TRAPPC13: variants seen among roughly 807,000 people sequenced by gnomAD.
TRAPPC13 encodes the protein REV7-interacting novel NHEJ regulator 1.
TRAPPC13 carries 39 observed loss-of-function variants against 54.0 expected under a neutral mutation model. The observed-to-expected ratio is 0.72, with a 90% CI of 0.56 to 0.94. The LOEUF (loss-of-function observed/expected upper bound fraction) is 0.94. TRAPPC13 is among the 40% of genes least tolerant of loss of function. TRAPPC13 has a pLI of 0.00. For missense variants in TRAPPC13, 386 were observed against 488.1 expected, an observed-to-expected ratio of 0.79 and a Z score of 1.97; for synonymous variants, 148 against 167.7, an observed-to-expected ratio of 0.88 and a Z score of 0.91.
chr5:65,633,958 T>G (rs1755643509), intron 1 of TRAPPC13, among the ~76,000 whole-genome samples: 1 of 151,188 alleles, frequency 6.6e-6, no homozygotes, highest in South Asian at 2.1e-4. Context: ...AGGTTGTTTT[T>G]TAAAATATCT....
At chr5:65,645,433 A>G (rs1236619351) in intron 4 of TRAPPC13, among the ~76,000 whole-genome samples, 2 of 152,192 alleles carry the variant, frequency 1.3e-5, no homozygotes, top group Non-Finnish European at 2.9e-5. Flanking sequence ...ATAACTGAAT[A>G]TAACAAAAGA....
At chr5:65,628,649 T>C (rs893391258) in intron 1 of TRAPPC13, among the ~76,000 whole-genome samples, 2 of 151,906 alleles carry the variant, frequency 1.3e-5, no homozygotes, top group Non-Finnish European at 2.9e-5. Flanking sequence ...TTTTTGTATC[T>C]TTAGTAGAGC....
At chr5:65,633,992 T>TG (rs1561764139) in intron 1 of TRAPPC13, among the ~76,000 whole-genome samples, 1 of 139,058 alleles carries the variant, frequency 7.2e-6, no homozygotes, top group African/African-American at 2.7e-5. Flanking sequence ...TTTTTTTTTT[T>TG]TTTTTTTTTT....
chr5:65,635,267 A>ATGTTT lies in TRAPPC13; in HGVS notation c.47-27_47-23dup, dbSNP rs751493009. ...AGAATATTAACCCTAAGCAGTATTA[A>ATGTTT]TGTTTTGTTTTCTTTTACTTTTTTA... is the stretch of plus-strand genomic sequence containing the variant. On this transcript the variant is annotated intron_variant, in intron 1 of 12. Transcript: ENST00000399438. 4 of 1,570,302 alleles carry ATGTTT rather than the reference A, an allele frequency of 2.5e-6. No individual in the cohort carries two copies. The Admixed American group carries it at 5.0e-5, about 20-fold the overall frequency.
At chr5:65,654,827 A>G (rs1364422505) in intron 7 of TRAPPC13, among the ~76,000 whole-genome samples, 1 of 152,238 alleles carries the variant, frequency 6.6e-6, no homozygotes, top group Non-Finnish European at 1.5e-5. Flanking sequence ...CTAGGTTTCA[A>G]ACATTTGGTC....
Position 65,662,117 on chromosome 5 carries a change from C to G in TRAPPC13, c.965C>G (p.Pro322Arg), listed in dbSNP as rs1178443291. The change falls in exon 11 of 13, where the codon CCT (proline) becomes CGT (arginine). Residue 322 changes from proline (P) to arginine (R), a missense_variant. By Grantham distance (103) the Pro-to-Arg change is moderately radical. Coordinates refer to ENST00000399438, the MANE Select transcript of TRAPPC13 (RefSeq NM_024941.4). ...CCAGATACCGTAAACCTTGAAGAAC[C>G]TTTTCATATTACCTGTAAAATAACA... is the stretch of plus-strand genomic sequence containing the variant. ...AIPDTVNLEE[P>R]FHITCKITNC... The G allele has an allele frequency of 6.2e-7, 1 of 1,607,854 alleles. No individual in the cohort carries two copies. The highest frequency in any genetic ancestry group is 1.3e-5 in the African/African-American group (1 of 74,436).
At chr5:65,640,970 G>A (rs1352298595) in intron 4 of TRAPPC13, among the ~76,000 whole-genome samples, 4 of 150,462 alleles carry the variant, frequency 2.7e-5, no homozygotes, top group Non-Finnish European at 4.4e-5. Context: ...ATCTAGCTCT[G>A]TCACCCAGGC....
At position 65,664,696 on chromosome 5, in the gene TRAPPC13, G is replaced by A. The variant is rs762326369; in HGVS notation, c.*85G>A. On this transcript the variant is annotated 3_prime_UTR_variant, in exon 13 of 13. Coordinates refer to ENST00000399438, the MANE Select transcript of TRAPPC13 (RefSeq NM_024941.4). ...TTTGTAAAATGATGACGTCAACAAC[G>A]AAGTAAATATGTTACTTAAATTTTC... The A allele has an allele frequency of 5.6e-5, 52 of 922,682 alleles. No individual in the cohort carries two copies. Among genetic ancestry groups the A allele is most frequent in the East Asian group, 4.4e-4 (17 of 38,822 alleles). The allele number at this position is 922,682 out of a possible 1,614,324, so 57.2% of individuals were successfully genotyped here. A position where few individuals can be genotyped will look rare whatever the true frequency, so the allele number is the denominator to read the frequency against.
chr5:65,644,800 G>T (rs1243044917), intron 4 of TRAPPC13, among the ~76,000 whole-genome samples: 2 of 151,106 alleles, frequency 1.3e-5, no homozygotes, highest in Non-Finnish European at 2.9e-5. Flanking sequence ...ACAATCACTT[G>T]AATCTGGGAG....
chr5:65,649,562 TCTGACTACTTGTGAGG>T (rs1432319899), intron 5 of TRAPPC13, among the ~76,000 whole-genome samples: 3 of 152,226 alleles, frequency 2.0e-5, no homozygotes, highest in Admixed American at 6.5e-5. Flanking sequence ...AACGTGTTTC[TCTGACTACTTGTGAGG>T]CTGAACATTT....
In TRAPPC13 at chr5:65,625,036, C is replaced by CTGT; in HGVS notation, c.-24_-22dup. The CTGT allele has an allele frequency of 6.2e-7, 1 of 1,608,918 alleles. No individual in the cohort carries two copies. The highest frequency in any genetic ancestry group is 1.1e-5 in the South Asian group (1 of 91,002). Reference sequence around the variant, plus strand: ...GTTGAACCTGTCCAGCCCCCGTAGGCTGTGGGTCAAAAGTGCCGGTCAAAA... The same window carrying CTGT: ...GTTGAACCTGTCCAGCCCCCGTAGGCTGTTGTGGGTCAAAAGTGCCGGTCAAAA... On this transcript the variant is annotated 5_prime_UTR_variant, in exon 1 of 13. Coordinates refer to ENST00000399438, the MANE Select transcript of TRAPPC13 (RefSeq NM_024941.4).
chr5:65,640,702 A>T (rs906789772), intron 4 of TRAPPC13, among the ~76,000 whole-genome samples: 7 of 152,338 alleles, frequency 4.6e-5, no homozygotes, highest in African/African-American at 1.7e-4. Flanking sequence ...TTCAGTAAAT[A>T]TTGAATTTAT....
At chr5:65,658,679 C>G (rs1756738735) in intron 9 of TRAPPC13, among the ~76,000 whole-genome samples, 178 bp downstream of exon 9, 1 of 150,120 alleles carries the variant, frequency 6.7e-6, no homozygotes, top group Non-Finnish European at 1.5e-5. Context: ...CTCACAGTTT[C>G]TCTTGTTATT....
At chr5:65,648,511 C>T (rs372331761) in intron 5 of TRAPPC13, among the ~76,000 whole-genome samples, 1 of 152,214 alleles carries the variant, frequency 6.6e-6, no homozygotes, top group East Asian at 1.9e-4. Context: ...GTAAAATCTC[C>T]ATTTTACAGA....
intron 10 of TRAPPC13, 171 bp downstream of exon 10, chr5:65,661,068 T>C: frequency 2.0e-6 from 1 of 512,162 alleles, no homozygotes; most frequent in Non-Finnish European, 3.4e-6. Flanking sequence ...CGAAGACTGG[T>C]GTTGCCATGA....
At chr5:65,628,632 C>T (rs1040511730) in intron 1 of TRAPPC13, among the ~76,000 whole-genome samples, 1 of 151,798 alleles carries the variant, frequency 6.6e-6, no homozygotes, top group Middle Eastern at 3.4e-3. Flanking sequence ...CCACCACAGC[C>T]GGCTATTTTT....
At chr5:65,656,085 C>T (rs1183311195) in intron 8 of TRAPPC13, among the ~76,000 whole-genome samples, 2 of 152,132 alleles carry the variant, frequency 1.3e-5, no homozygotes, top group East Asian at 1.9e-4. Context: ...TGATGATGGC[C>T]GCTTGACAAA....
intron 2 of TRAPPC13, 97 bp from the exon 3 acceptor site, chr5:65,635,847 G>T: frequency 1.5e-6 from 1 of 685,124 alleles, no homozygotes; most frequent in Non-Finnish European, 2.3e-6. Flanking sequence ...TTGTCAAGAG[G>T]TTGTTTTTTA....
chr5:65,634,881 A>G (rs1755689910), intron 1 of TRAPPC13: 2 of 663,578 alleles, frequency 3.0e-6, no homozygotes, highest in African/African-American at 2.0e-5. Context: ...CCTGGGTGAC[A>G]GAGTAAGCCT....
Sources: gnomAD v4.1 joint callset for allele counts (sites outside exome capture counted in the v4.1 genomes callset) on GRCh38, gnomAD v4.1.1 for gene constraint, MANE v1.5 for transcripts, NCBI Gene and HGNC (gene_info 2026-07-23, HGNC 2026-07-21) for gene names.